The following BANP variants were observed in gnomAD, a reference collection of about 807,000 sequenced individuals.
BANP encodes protein BANP.
A neutral mutation model predicts 68.1 loss-of-function variants in BANP; 11 were observed. The observed-to-expected ratio is 0.16, with a 90% CI of 0.10 to 0.27. The LOEUF is 0.27. BANP is among the 10% of genes least tolerant of loss of function. The probability of loss-of-function intolerance (pLI) is 1.00; values close to 1 mark genes in which losing one functional copy is unlikely to be tolerated. For synonymous variants in BANP, 329 were observed against 303.2 expected, an observed-to-expected ratio of 1.09 and a Z score of -0.88; for missense variants, 504 against 722.7, an observed-to-expected ratio of 0.70 and a Z score of 3.47.
At position 88,012,382 on chromosome 16, in the gene BANP, C is replaced by T. The variant is rs1332828831; in HGVS notation, c.656-6046C>T. Among the ~76,000 whole-genome samples, 3 of 152,336 alleles carry T rather than the reference C, an allele frequency of 2.0e-5. No homozygotes were observed. In the East Asian group the frequency reaches 5.8e-4, roughly 29 times the overall value. ...TTAATTTTTGGCGTGGATGGCATAT[C>T]TAATGTGAATCTGTTCTCTGAAGAC... is the stretch of plus-strand genomic sequence containing the variant. On this transcript the variant is annotated intron_variant, in intron 6 of 13. Coordinates refer to ENST00000682872, the MANE Select transcript of BANP (RefSeq NM_001386991.1).
chr16:87,968,934 A>G (rs2060621224), intron 1 of BANP, among the ~76,000 whole-genome samples: 1 of 152,238 alleles, frequency 6.6e-6, no homozygotes, highest in South Asian at 2.1e-4. Context: ...TTATTAGAGG[A>G]TGAAAAGTGA....
At chr16:87,952,192 T>C (rs1238077333) in intron 1 of BANP, 1 of 152,282 alleles carries the variant, frequency 6.6e-6, no homozygotes, top group African/African-American at 2.4e-5. Context: ...ATGCAGAAAG[T>C]AGATGACATT....
rs770163246 is a variant in BANP, at chr16:88,033,287, C to A, written c.1200+42C>A. On this transcript the variant is annotated intron_variant, in intron 9 of 13. Coordinates refer to ENST00000682872, the MANE Select transcript of BANP (RefSeq NM_001386991.1). Reference sequence around the variant, plus strand: ...CCTCACACCTTGGGAAAGGGGGCTGCGGGGTGGGCCACGGCAGGGCCATGG... The same window carrying A: ...CCTCACACCTTGGGAAAGGGGGCTGAGGGGTGGGCCACGGCAGGGCCATGG... 8 of 1,493,536 alleles carry A rather than the reference C, an allele frequency of 5.4e-6. No homozygotes were observed. In the Admixed American group the frequency reaches 6.3e-5, roughly 12 times the overall value. 92.5% of individuals were successfully genotyped at this position (1,493,536 alleles called of 1,614,324 possible).
At chr16:87,978,478 T>G in intron 2 of BANP, 1 of 388,138 alleles carries the variant, frequency 2.6e-6, no homozygotes, top group Non-Finnish European at 5.3e-6. Context: ...GAGTAGAGCC[T>G]TTGACTGAGG....
At chr16:88,060,106 A>C (rs2086300817) in intron 11 of BANP, among the ~76,000 whole-genome samples, 1 of 152,274 alleles carries the variant, frequency 6.6e-6, no homozygotes, top group South Asian at 2.1e-4. Context: ...AAGGTGCCGA[A>C]GTGTGAGCGG....
chr16:87,981,148 T>G (rs1223766735), intron 3 of BANP, 21 bp downstream of exon 3: 1 of 1,573,524 alleles, frequency 6.4e-7, no homozygotes, highest in Admixed American at 1.7e-5. Flanking sequence ...GACTCTGTTC[T>G]GTGGTGTGTA....
chr16:88,042,635 A>G (rs562184775), intron 11 of BANP, among the ~76,000 whole-genome samples: 2 of 152,326 alleles, frequency 1.3e-5, no homozygotes, highest in African/African-American at 2.4e-5. Context: ...ATTTAAAAAA[A>G]ATGTTTTGTG....
intron 1 of BANP, among the ~76,000 whole-genome samples, chr16:87,954,111 C>T (rs1036121680): frequency 6.6e-6 from 1 of 152,126 alleles, no homozygotes; most frequent in African/African-American, 2.4e-5. Flanking sequence ...CTCTGCTCTT[C>T]TGTCTTAGGA....
At chr16:87,963,232 A>G (rs2059489502) in intron 1 of BANP, 1 of 152,144 alleles carries the variant, frequency 6.6e-6, no homozygotes, top group African/African-American at 2.4e-5. Context: ...TTGTCACTTT[A>G]CTGTCTCAAG....
chr16:88,058,098 A>G (rs2085621129), intron 11 of BANP, among the ~76,000 whole-genome samples: 1 of 151,304 alleles, frequency 6.6e-6, no homozygotes, highest in Non-Finnish European at 1.5e-5. Flanking sequence ...TTCATTGTGT[A>G]TTTACGAGGA....
At chr16:88,030,398 C>T (rs1334812121) in intron 8 of BANP, among the ~76,000 whole-genome samples, 1 of 152,166 alleles carries the variant, frequency 6.6e-6, no homozygotes, top group Non-Finnish European at 1.5e-5. Flanking sequence ...CTCCTAGACT[C>T]GAAGAGTGAG....
chr16:87,965,537 G>A (rs1442371309), intron 1 of BANP, among the ~76,000 whole-genome samples: 1 of 151,606 alleles, frequency 6.6e-6, no homozygotes, highest in Non-Finnish European at 1.5e-5. Flanking sequence ...GAAGTGAGAG[G>A]GAGGAGAGCA....
intron 10 of BANP, among the ~76,000 whole-genome samples, chr16:88,035,975 T>C (rs1441252806): frequency 6.6e-6 from 1 of 152,214 alleles, no homozygotes; most frequent in Non-Finnish European, 1.5e-5. Flanking sequence ...GCTCAGCTGC[T>C]GTTGGGGTCT....
chr16:88,068,249 C>T (rs909883610), intron 12 of BANP, among the ~76,000 whole-genome samples: 8 of 152,210 alleles, frequency 5.3e-5, no homozygotes, highest in South Asian at 2.1e-4. Context: ...CTCTGCTGCT[C>T]GCCCCAGGCT....
intron 12 of BANP, among the ~76,000 whole-genome samples, chr16:88,067,382 C>T (rs890496325): frequency 2.0e-5 from 3 of 152,096 alleles, no homozygotes; most frequent in African/African-American, 7.2e-5. Flanking sequence ...ACATCTGCGC[C>T]GGGGCCTCCC....
intron 1 of BANP, among the ~76,000 whole-genome samples, chr16:87,969,682 G>A (rs1324385108): frequency 4.0e-5 from 6 of 151,674 alleles, no homozygotes; most frequent in East Asian, 1.9e-4. Flanking sequence ...ACAGGCACGC[G>A]CCGCCATCCC....
chr16:88,039,185 C>T (rs1433475372), intron 11 of BANP, among the ~76,000 whole-genome samples: 2 of 152,076 alleles, frequency 1.3e-5, no homozygotes, highest in Non-Finnish European at 2.9e-5. Flanking sequence ...AAGATCAGCA[C>T]GAGGTTTTCT....
chr16:88,001,873 C>G (rs1046037989), intron 4 of BANP, among the ~76,000 whole-genome samples: 4 of 149,272 alleles, frequency 2.7e-5, no homozygotes, highest in Admixed American at 6.7e-5. Context: ...TAGATCGAAG[C>G]TGAAAAAATT....
intron 6 of BANP, among the ~76,000 whole-genome samples, chr16:88,015,716 G>A (rs183672107): frequency 2.6e-5 from 4 of 152,360 alleles, no homozygotes; most frequent in Middle Eastern, 3.4e-3. Context: ...GAGGTCTCGC[G>A]CTCCAGGAGC....
Sources: allele counts gnomAD v4.1 joint callset (sites outside exome capture counted in the v4.1 genomes callset), GRCh38; gene constraint gnomAD v4.1.1; transcripts MANE v1.5; gene names NCBI Gene and HGNC (gene_info 2026-07-23, HGNC 2026-07-21).